The following SNX30 variants were observed in gnomAD, a reference collection of about 807,000 sequenced individuals.
SNX30 encodes sorting nexin-30.
SNX30 carries 24 observed loss-of-function variants against 46.4 expected under a neutral mutation model. That is an observed-to-expected ratio of 0.52 (90% confidence interval 0.37 to 0.73). The LOEUF (loss-of-function observed/expected upper bound fraction) is 0.73. SNX30 is among the 30% of genes least tolerant of loss of function. SNX30 has a pLI of 0.00. For missense variants in SNX30, 533 were observed against 555.7 expected, an observed-to-expected ratio of 0.96 and a Z score of 0.41; for synonymous variants, 189 against 211.5, an observed-to-expected ratio of 0.89 and a Z score of 0.92.
intron 2 of SNX30, among the ~76,000 whole-genome samples, chr9:112,805,281 A>G (rs191546112): frequency 6.6e-6 from 1 of 152,154 alleles, no homozygotes; most frequent in Admixed American, 6.5e-5. Flanking sequence ...TCTGAAATTT[A>G]TGAATCATTG....
intron 2 of SNX30, among the ~76,000 whole-genome samples, chr9:112,811,623 T>A (rs747857833): frequency 1.6e-4 from 24 of 152,184 alleles, no homozygotes; most frequent in Non-Finnish European, 3.1e-4. Context: ...AGTGATGGTG[T>A]TACACTTCTA....
chr9:112,764,568 T>C (rs1262180642), intron 1 of SNX30, among the ~76,000 whole-genome samples: 9 of 152,028 alleles, frequency 5.9e-5, no homozygotes, highest in South Asian at 4.2e-4. Flanking sequence ...TCAAGTGTTT[T>C]AAGCGGGGGA....
downstream of SNX30, chr9:112,878,918 C>T (rs1291755398): frequency 6.6e-6 from 1 of 152,204 alleles, no homozygotes; most frequent in African/African-American, 2.4e-5. Flanking sequence ...TTCACACACT[C>T]ATACAATGAA....
rs1841457964 is a variant in SNX30, at chr9:112,872,271, A to G, written c.*3428A>G. On this transcript the variant is annotated 3_prime_UTR_variant, in exon 9 of 9. Coordinates refer to ENST00000374232, the MANE Select transcript of SNX30 (RefSeq NM_001012994.2). ...AGGAAGTTCTGCTTTAGAGGAGGGC[A>G]CGATGACCATGTGGCAGTCTGCAAG... 6.6e-6 allele frequency: 1 copy of G among 152,248 alleles called. No homozygotes were observed. The highest frequency in any genetic ancestry group is 1.5e-5 in the Non-Finnish European group (1 of 68,054). The allele number at this position is 152,248 out of a possible 1,614,324, so 9.4% of individuals were successfully genotyped here. A position where few individuals can be genotyped will look rare whatever the true frequency, so the allele number is the denominator to read the frequency against.
chr9:112,785,382 AG>A (rs1480154264), intron 1 of SNX30, among the ~76,000 whole-genome samples: 2 of 90,768 alleles, frequency 2.2e-5, no homozygotes, highest in African/African-American at 3.8e-5. Context: ...TGCCTGGCTA[AG>A]TTTTTTTTTT....
At chr9:112,780,981 A>G (rs948811155) in intron 1 of SNX30, among the ~76,000 whole-genome samples, 1 of 152,234 alleles carries the variant, frequency 6.6e-6, no homozygotes, top group African/African-American at 2.4e-5. Flanking sequence ...AGCCCGTCAC[A>G]GAGTCCCCTA....
At chr9:112,865,460 G>A (rs1416868782) in intron 8 of SNX30, among the ~76,000 whole-genome samples, 3 of 151,486 alleles carry the variant, frequency 2.0e-5, no homozygotes, top group African/African-American at 7.3e-5. Flanking sequence ...CGTTACAAAA[G>A]ATACAAAATG....
rs905643830 is a variant in SNX30, at chr9:112,810,953, G to A, written c.348+5986G>A. The stretch of plus-strand genomic sequence containing the variant: ...CAGCTCCTGGCCTTGGGGGCTGGGC[G>A]AGGCTTGTGGAATGCGAGCAGCTCA... On this transcript the variant is annotated intron_variant, in intron 2 of 8. Transcript: ENST00000374232. Among the ~76,000 whole-genome samples the A allele has an allele frequency of 2.6e-5, 4 of 152,296 alleles. No homozygotes were observed. The East Asian group carries it at 5.8e-4, about 22-fold the overall frequency.
At position 112,873,201 on chromosome 9, in the gene SNX30, G is replaced by A. The variant is rs193029951; in HGVS notation, c.*4358G>A. ...TGTGGCAGAAAAATATGTTTTCCAG[G>A]TAGTTTTTACTACTACAGAGAGTCT... On this transcript the variant is annotated 3_prime_UTR_variant, in exon 9 of 9. Transcript: ENST00000374232. 1.3e-5 allele frequency: 2 copies of A among 152,168 alleles called. No homozygotes were observed. The highest frequency in any genetic ancestry group is 2.9e-5 in the Non-Finnish European group (2 of 68,026). The allele number at this position is 152,168 out of a possible 1,614,324, so 9.4% of individuals were successfully genotyped here. A position where few individuals can be genotyped will look rare whatever the true frequency, so the allele number is the denominator to read the frequency against.
chr9:112,816,253 G>A (rs7873644), intron 2 of SNX30, among the ~76,000 whole-genome samples: 122,979 of 152,118 alleles, frequency 0.81, 49,700 homozygotes, highest in Middle Eastern at 0.87. Flanking sequence ...TTCCTACTCC[G>A]CCTGTGCGGG....
rs1267545458 is a variant in SNX30, at chr9:112,871,652, C to T, written c.*2809C>T. On this transcript the variant is annotated 3_prime_UTR_variant, in exon 9 of 9. Coordinates refer to ENST00000374232, the MANE Select transcript of SNX30 (RefSeq NM_001012994.2). Reference sequence around the variant, plus strand: ...CAGTGGAATACAAGGCCCTCCCTAGCAGCCGCCCCAGGCCTGGAAAGTGGG... The same window carrying T: ...CAGTGGAATACAAGGCCCTCCCTAGTAGCCGCCCCAGGCCTGGAAAGTGGG... 1 of 152,108 alleles carries T rather than the reference C, an allele frequency of 6.6e-6. No individual in the cohort carries two copies. Among genetic ancestry groups the T allele is most frequent in the Admixed American group, 6.5e-5 (1 of 15,274 alleles). The allele number at this position is 152,108 out of a possible 1,614,324, so 9.4% of individuals were successfully genotyped here. A position where few individuals can be genotyped will look rare whatever the true frequency, so the allele number is the denominator to read the frequency against.
intron 1 of SNX30, among the ~76,000 whole-genome samples, chr9:112,789,419 C>T (rs941581404): frequency 1.3e-5 from 2 of 152,194 alleles, no homozygotes; most frequent in African/African-American, 4.8e-5. Flanking sequence ...TCATGGAGCT[C>T]TGTTCATAGC....
At chr9:112,754,672 C>A (rs1255251042) in intron 1 of SNX30, among the ~76,000 whole-genome samples, 4 of 152,168 alleles carry the variant, frequency 2.6e-5, no homozygotes, top group Non-Finnish European at 5.9e-5. Flanking sequence ...TCCCAAAGTT[C>A]TGGGATTACA....
At chr9:112,829,054 A>G (rs1410659136) in intron 3 of SNX30, among the ~76,000 whole-genome samples, 3 of 152,166 alleles carry the variant, frequency 2.0e-5, no homozygotes, top group African/African-American at 4.8e-5. Context: ...TAATGTTTCC[A>G]GGGTTTTTCC....
Position 112,871,978 on chromosome 9 carries a change from T to A in SNX30, c.*3135T>A, listed in dbSNP as rs1841453659. The A allele has an allele frequency of 6.6e-6, 1 of 152,228 alleles. No individual in the cohort carries two copies. Among genetic ancestry groups the A allele is most frequent in the South Asian group, 2.1e-4 (1 of 4,834 alleles). 9.4% of individuals were successfully genotyped at this position (152,228 alleles called of 1,614,324 possible). ...AATCCTGTTCACCTTAAAGTGTGAT[T>A]ATGGAGATGATTGGCTCCATATTCC... On this transcript the variant is annotated 3_prime_UTR_variant, in exon 9 of 9. Coordinates refer to ENST00000374232, the MANE Select transcript of SNX30 (RefSeq NM_001012994.2).
At chr9:112,847,400 A>G (rs1387423610) in intron 6 of SNX30, among the ~76,000 whole-genome samples, 5 of 150,466 alleles carry the variant, frequency 3.3e-5, no homozygotes, top group Non-Finnish European at 7.4e-5. Context: ...GAATCATATT[A>G]TTTCATACAG....
chr9:112,795,797 G>GCACA (rs1259811803), intron 1 of SNX30, among the ~76,000 whole-genome samples: 13 of 91,750 alleles, frequency 1.4e-4, no homozygotes, highest in Non-Finnish European at 1.6e-4. Flanking sequence ...ACACACACAC[G>GCACA]CACACATGAT....
intron 1 of SNX30, among the ~76,000 whole-genome samples, chr9:112,768,096 A>G (rs1158262163): frequency 6.6e-6 from 1 of 152,148 alleles, no homozygotes; most frequent in East Asian, 1.9e-4. Context: ...GGAGATCTGC[A>G]TTGACTCCCC....
chr9:112,844,293 G>A (rs973134692), intron 6 of SNX30, among the ~76,000 whole-genome samples: 7 of 152,210 alleles, frequency 4.6e-5, no homozygotes, highest in African/African-American at 1.7e-4. Context: ...AACAGGTGGA[G>A]CAGTTGGGAG....
Sources: gnomAD v4.1 joint callset for allele counts (sites outside exome capture counted in the v4.1 genomes callset) on GRCh38, gnomAD v4.1.1 for gene constraint, MANE v1.5 for transcripts, NCBI Gene and HGNC (gene_info 2026-07-23, HGNC 2026-07-21) for gene names.